The following MED13L variants were observed in gnomAD, a reference collection of about 807,000 sequenced individuals.
MED13L encodes the protein mediator of RNA polymerase II transcription subunit 13-like.
MED13L carries 7 observed loss-of-function variants against 220.9 expected under a neutral mutation model. That is an observed-to-expected ratio of 0.03 (90% CI 0.02 to 0.06). The LOEUF (loss-of-function observed/expected upper bound fraction) is 0.06. Among genes scored for constraint, MED13L ranks in the 10% least tolerant of loss-of-function variants. The pLI is 1.00. For synonymous variants in MED13L, 1,011 were observed against 1,015.2 expected (o/e 1.00, Z 0.08); for missense variants, 1,965 against 2,760.5 (o/e 0.71, Z 6.46).
At chr12:116,065,930 G>C (rs989801758) in intron 4 of MED13L, among the ~76,000 whole-genome samples, 3 of 152,222 alleles carry the variant, frequency 2.0e-5, no homozygotes, top group African/African-American at 7.2e-5. Context: ...CAGTACATCA[G>C]TTGCAGTTTT....
intron 16 of MED13L, among the ~76,000 whole-genome samples, chr12:115,994,698 A>C (rs1878285110): frequency 6.6e-6 from 1 of 152,226 alleles, no homozygotes; most frequent in Non-Finnish European, 1.5e-5. Context: ...CTGCTATGTC[A>C]TTTATTGGCA....
chr12:116,011,660 C>G (rs1879411464), intron 9 of MED13L, among the ~76,000 whole-genome samples: 1 of 152,160 alleles, frequency 6.6e-6, no homozygotes, highest in South Asian at 2.1e-4. Flanking sequence ...TAGGTATTCA[C>G]CTACTAACAC....
chr12:116,194,814 T>C (rs1375543219), intron 2 of MED13L, among the ~76,000 whole-genome samples: 1 of 152,146 alleles, frequency 6.6e-6, no homozygotes, highest in Non-Finnish European at 1.5e-5. Flanking sequence ...ACCCACCCTG[T>C]TTCAAATACA....
intron 13 of MED13L, among the ~76,000 whole-genome samples, chr12:116,005,051 C>G (rs776646074): frequency 4.5e-4 from 68 of 152,138 alleles, no homozygotes; most frequent in Non-Finnish European, 7.9e-4. Flanking sequence ...ATATTTCTAA[C>G]CTCAATGACT....
rs1159702848 is a variant in MED13L at position 116,015,230 on chromosome 12, G to C, written c.1054C>G (p.Gln352Glu). ...MQSAASHLVS[Q>E]DGGMITMHSP... ...TGCATCGTTATCATCCCTCCATCTTGGGAAACCAGGTGACTGGCAGCACTC... is the reference window on the plus strand; with the variant it reads ...TGCATCGTTATCATCCCTCCATCTTCGGAAACCAGGTGACTGGCAGCACTC... Residue 352 changes from glutamine to glutamate, a missense_variant, in exon 8 of 31, where the codon CAA becomes GAA. By Grantham distance (29) the Gln-to-Glu change is conservative. Around this residue, in one of 10 missense-constraint regions of MED13L, gnomAD observed 818 missense variants for 1,041.2 expected, o/e 0.79. Transcript: ENST00000281928. 1 of 1,613,626 alleles carries C rather than the reference G, an allele frequency of 6.2e-7. No homozygotes were observed. Among genetic ancestry groups the C allele is most frequent in the Non-Finnish European group, 8.5e-7 (1 of 1,179,848 alleles).
chr12:116,003,497 C>CTTTT (rs35808476), intron 13 of MED13L, among the ~76,000 whole-genome samples: 1 of 141,366 alleles, frequency 7.1e-6, no homozygotes, highest in African/African-American at 2.6e-5. Flanking sequence ...CCCTCCAATT[C>CTTTT]TTTTTTTTTT....
At position 116,005,741 on chromosome 12, in the gene MED13L, A is replaced by G. The variant is rs1879008619; in HGVS notation, c.2469+128T>C. 4.1e-6 allele frequency: 5 copies of G among 1,222,768 alleles called. No individual in the cohort carries two copies. The Admixed American group carries it at 7.0e-5, about 17-fold the overall frequency. 75.7% of individuals were successfully genotyped at this position (1,222,768 alleles called of 1,614,324 possible). A position where few individuals can be genotyped will look rare whatever the true frequency, so the allele number is the denominator to read the frequency against. ...GATTCCAGTATACAGACATTTATAA[A>G]GAACATTCAGAACCTGAAATAAGAG... On this transcript the variant is annotated intron_variant, in intron 13 of 30. Coordinates refer to ENST00000281928, the MANE Select transcript of MED13L (RefSeq NM_015335.5).
chr12:116,177,548 T>C (rs553244367), intron 2 of MED13L, among the ~76,000 whole-genome samples: 3 of 152,236 alleles, frequency 2.0e-5, no homozygotes, highest in Non-Finnish European at 4.4e-5. Flanking sequence ...TCATTTCACA[T>C]GAAAGTTTCT....
At chr12:116,115,498 G>C (rs933945625) in intron 2 of MED13L, among the ~76,000 whole-genome samples, 1 of 152,020 alleles carries the variant, frequency 6.6e-6, no homozygotes, top group African/African-American at 2.4e-5. Context: ...GATAAACAGA[G>C]TTTCATCAAA....
intron 1 of MED13L, among the ~76,000 whole-genome samples, chr12:116,250,773 CCTCAA>C (rs1464313474): frequency 8.4e-6 from 1 of 118,346 alleles, no homozygotes; most frequent in East Asian, 2.2e-4. Flanking sequence ...CGAGACTCCT[CCTCAA>C]AAAAAAAAAA....
chr12:115,963,916 C>T (rs1003008683), intron 29 of MED13L, among the ~76,000 whole-genome samples: 2 of 151,976 alleles, frequency 1.3e-5, no homozygotes, highest in South Asian at 4.1e-4. Flanking sequence ...ATATTACCAT[C>T]TCTATAAAAC....
At chr12:116,004,911 G>A (rs916694555) in intron 13 of MED13L, among the ~76,000 whole-genome samples, 5 of 152,068 alleles carry the variant, frequency 3.3e-5, no homozygotes, top group African/African-American at 9.7e-5. Flanking sequence ...TGGTCACGTC[G>A]TATCTGAATG....
chr12:116,090,300 C>G (rs977617027), intron 4 of MED13L, among the ~76,000 whole-genome samples: 5 of 152,154 alleles, frequency 3.3e-5, no homozygotes, highest in Non-Finnish European at 7.4e-5. Flanking sequence ...CATTTGGGAC[C>G]TACAATTTCT....
At chr12:116,217,961 G>A (rs1883100282) in intron 2 of MED13L, among the ~76,000 whole-genome samples, 1 of 152,102 alleles carries the variant, frequency 6.6e-6, no homozygotes, top group Non-Finnish European at 1.5e-5. Context: ...CAGTCTCCTG[G>A]AAGTAACTAA....
In MED13L at chr12:115,982,413, C is replaced by T. The variant is rs1877391018; in HGVS notation, c.5146G>A (p.Glu1716Lys). ...CYTEMLDNLP[E>K]HMRNSFILQI... is the part of the protein sequence containing the mutation. ...AGAATGAAAGAATTTCTCATATGCT[C>T]AGGTAAATTATCCAGCATTTCTGTG... Residue 1716 changes from glutamate to lysine, a missense_variant, in exon 22 of 31, where the codon GAG (glutamate) becomes AAG (lysine). By Grantham distance (56) the Glu-to-Lys change is moderately conservative (BLOSUM62 1). Coordinates refer to ENST00000281928, the MANE Select transcript of MED13L (RefSeq NM_015335.5). The T allele has an allele frequency of 6.2e-7, 1 of 1,613,858 alleles. No homozygotes were observed. The highest frequency in any genetic ancestry group is 8.5e-7 in the Non-Finnish European group (1 of 1,179,868).
rs994669237 is a variant in MED13L, at chr12:116,020,043, T to C, written c.626-71A>G. 9.6e-6 allele frequency: 13 copies of C among 1,355,436 alleles called. No individual in the cohort carries two copies. The Admixed American group carries it at 1.1e-4, about 11-fold the overall frequency. The allele number at this position is 1,355,436 out of a possible 1,614,324, so 84.0% of individuals were successfully genotyped here. A position where few individuals can be genotyped will look rare whatever the true frequency, so the allele number is the denominator to read the frequency against. On this transcript the variant is annotated intron_variant, in intron 5 of 30. Coordinates refer to ENST00000281928, the MANE Select transcript of MED13L (RefSeq NM_015335.5). ...TCCTACTTAAGTGCAACACTACATA[T>C]GTGGTAATTTTAGGTTACAGTATCA...
At position 116,157,625 on chromosome 12, in the gene MED13L, T is replaced by A. The variant is rs1466415328; in HGVS notation, c.311-46113A>T. Among the ~76,000 whole-genome samples, 3 of 152,266 alleles carry A rather than the reference T, an allele frequency of 2.0e-5. No homozygotes were observed. In the East Asian group the frequency reaches 5.8e-4, roughly 29 times the overall value. On this transcript the variant is annotated intron_variant, in intron 2 of 30. Coordinates refer to ENST00000281928, the MANE Select transcript of MED13L (RefSeq NM_015335.5). ...CTATGCATCCTACTACCTCTCCGTTTTACAGAAAGCACACAAATATCTGTT... is the reference window on the plus strand; with the variant it reads ...CTATGCATCCTACTACCTCTCCGTTATACAGAAAGCACACAAATATCTGTT...
chr12:116,204,771 T>C (rs1187558519), intron 2 of MED13L, among the ~76,000 whole-genome samples: 1 of 152,248 alleles, frequency 6.6e-6, no homozygotes, highest in African/African-American at 2.4e-5. Context: ...TGTAGATCCC[T>C]ATCTGTAGAT....
intron 2 of MED13L, among the ~76,000 whole-genome samples, chr12:116,158,885 G>T (rs982162749): frequency 6.6e-6 from 1 of 152,120 alleles, no homozygotes; most frequent in East Asian, 1.9e-4. Flanking sequence ...GTAACCTCAC[G>T]TGACTAGTGA....
Sources: allele counts gnomAD v4.1 joint callset (sites outside exome capture counted in the v4.1 genomes callset), GRCh38; gene constraint gnomAD v4.1.1; regional missense constraint gnomAD v4.1.1; transcripts MANE v1.5; gene names NCBI Gene and HGNC (gene_info 2026-07-23, HGNC 2026-07-21).